The following ATRNL1 variants were observed in gnomAD, a reference collection of about 807,000 sequenced individuals.
ATRNL1 encodes the protein attractin like 1.
Under a neutral mutation model 182.7 loss-of-function variants are expected in ATRNL1, and 95 were observed. The ratio of observed to expected loss-of-function variants is 0.52; its 90% confidence interval spans 0.44 to 0.62. ATRNL1 has a LOEUF of 0.62. Among genes scored for constraint, ATRNL1 ranks in the 20% least tolerant of loss-of-function variants. The pLI is 0.00. For synonymous variants in ATRNL1, 576 were observed against 568.3 expected (o/e 1.01, Z -0.19); for missense variants, 1,471 against 1,679.5 (o/e 0.88, Z 2.17).
intron 28 of ATRNL1, among the ~76,000 whole-genome samples, chr10:115,942,436 C>T (rs80060643): frequency 0.037 from 5,620 of 152,270 alleles, 349 homozygotes; most frequent in African/African-American, 0.13. Flanking sequence ...CCTGCTGGCC[C>T]ATTTGCCACT....
intron 19 of ATRNL1, among the ~76,000 whole-genome samples, chr10:115,371,361 A>G (rs1268403048): frequency 1.3e-5 from 2 of 152,162 alleles, no homozygotes; most frequent in Non-Finnish European, 2.9e-5. Context: ...TGGAAAAGCC[A>G]CAGACACTCA....
In ATRNL1 at chr10:115,512,845, A is replaced by G. The variant is rs1477630061; in HGVS notation, c.3655-6418A>G. Among the ~76,000 whole-genome samples the G allele has an allele frequency of 2.0e-5, 3 of 151,976 alleles. No homozygotes were observed. In the East Asian group the frequency reaches 5.8e-4, roughly 29 times the overall value. ...GTGCAATATTTACGGTGAGACCTACATGATACAGAGCAAGCCATGTGAAGA... is the reference window on the plus strand; with the variant it reads ...GTGCAATATTTACGGTGAGACCTACGTGATACAGAGCAAGCCATGTGAAGA... On this transcript the variant is annotated intron_variant, in intron 24 of 28. Coordinates refer to ENST00000355044, the MANE Select transcript of ATRNL1 (RefSeq NM_207303.4).
At chr10:115,653,730 C>G (rs1474427913) in intron 26 of ATRNL1, among the ~76,000 whole-genome samples, 1 of 152,148 alleles carries the variant, frequency 6.6e-6, no homozygotes, top group Non-Finnish European at 1.5e-5. Flanking sequence ...ATTCATTTCT[C>G]TCCCCAACAC....
intron 19 of ATRNL1, among the ~76,000 whole-genome samples, chr10:115,356,035 T>C (rs1168726782): frequency 1.3e-5 from 2 of 152,166 alleles, no homozygotes; most frequent in East Asian, 3.8e-4. Context: ...TTTACAGACG[T>C]GTTTAATACT....
intron 10 of ATRNL1, among the ~76,000 whole-genome samples, chr10:115,247,354 C>G (rs1347686250): frequency 6.6e-6 from 1 of 151,928 alleles, no homozygotes; most frequent in Non-Finnish European, 1.5e-5. Flanking sequence ...AAATGTTTAA[C>G]AAAAATAGGC....
chr10:115,532,756 G>A (rs1554988765), intron 25 of ATRNL1, among the ~76,000 whole-genome samples: 1 of 151,522 alleles, frequency 6.6e-6, no homozygotes, highest in Non-Finnish European at 1.5e-5. Context: ...GATATTGGCT[G>A]TGGGTTTGTC....
At chr10:115,617,649 C>CA (rs1236282029) in intron 26 of ATRNL1, among the ~76,000 whole-genome samples, 2 of 152,210 alleles carry the variant, frequency 1.3e-5, no homozygotes, top group Non-Finnish European at 2.9e-5. Context: ...TGAGCCACCA[C>CA]ACCCAGCCAA....
At chr10:115,110,762 T>A (rs1229094286) in intron 1 of ATRNL1, among the ~76,000 whole-genome samples, 1 of 152,246 alleles carries the variant, frequency 6.6e-6, no homozygotes, top group African/African-American at 2.4e-5. Context: ...GAAAATTAAA[T>A]TAATTCTTTA....
At chr10:115,262,192 A>G (rs1374219901) in intron 10 of ATRNL1, among the ~76,000 whole-genome samples, 3 of 150,342 alleles carry the variant, frequency 2.0e-5, no homozygotes, top group African/African-American at 7.3e-5. Context: ...TTTTTTTGAT[A>G]AACCTTGTAG....
chr10:115,824,359 T>C (rs1334554442), intron 27 of ATRNL1, among the ~76,000 whole-genome samples: 2 of 152,096 alleles, frequency 1.3e-5, no homozygotes, highest in African/African-American at 2.4e-5. Flanking sequence ...ATTCAGGACA[T>C]AGGCATGGGC....
intron 27 of ATRNL1, among the ~76,000 whole-genome samples, chr10:115,734,176 G>A (rs1472786955): frequency 7.6e-6 from 1 of 132,092 alleles, no homozygotes; most frequent in South Asian, 2.5e-4. Context: ...TATATAACTC[G>A]ATCTTACTTT....
intron 27 of ATRNL1, among the ~76,000 whole-genome samples, chr10:115,832,615 A>G (rs1010412176): frequency 3.9e-5 from 6 of 152,324 alleles, no homozygotes; most frequent in Admixed American, 6.5e-5. Flanking sequence ...AGGCATTGGA[A>G]TTATGATAAG....
chr10:115,579,582 A>C (rs561243095), intron 26 of ATRNL1, among the ~76,000 whole-genome samples: 1 of 151,960 alleles, frequency 6.6e-6, no homozygotes, highest in South Asian at 2.1e-4. Context: ...GTCTTTTTCC[A>C]TCCCTTCACT....
chr10:115,937,635 T>C (rs111923298), intron 28 of ATRNL1, among the ~76,000 whole-genome samples: 1 of 152,232 alleles, frequency 6.6e-6, no homozygotes. Context: ...CATCAAAGTT[T>C]CCCAAAGTCA....
In ATRNL1 at chr10:115,744,566, C is replaced by T. The variant is rs1337603819; in HGVS notation, c.3903+17211C>T. Among the ~76,000 whole-genome samples the T allele has an allele frequency of 4.6e-5, 7 of 152,106 alleles. No individual in the cohort carries two copies. The South Asian group carries it at 6.2e-4, about 14-fold the overall frequency. ...GGATCTCAGAATACTTTTAATTCATCTAAGTAAGTTTAATGTTAGTATAAT... is the reference window on the plus strand; with the variant it reads ...GGATCTCAGAATACTTTTAATTCATTTAAGTAAGTTTAATGTTAGTATAAT... On this transcript the variant is annotated intron_variant, in intron 27 of 28. Transcript: ENST00000355044.
chr10:115,260,655 A>G (rs1323081670), intron 10 of ATRNL1, among the ~76,000 whole-genome samples: 1 of 152,236 alleles, frequency 6.6e-6, no homozygotes, highest in Non-Finnish European at 1.5e-5. Flanking sequence ...AGAGGAGATT[A>G]TAAGTTAAAT....
intron 21 of ATRNL1, among the ~76,000 whole-genome samples, chr10:115,453,042 G>T (rs1225801236): frequency 6.6e-6 from 1 of 152,022 alleles, no homozygotes; most frequent in Non-Finnish European, 1.5e-5. Context: ...TTTTAATGCT[G>T]AACAATATTT....
chr10:115,785,513 G>A (rs1555080217), intron 27 of ATRNL1, among the ~76,000 whole-genome samples: 1 of 152,174 alleles, frequency 6.6e-6, no homozygotes, highest in Non-Finnish European at 1.5e-5. Context: ...GCAATTCATG[G>A]GAGTCTGTGC....
chr10:115,222,155 A>T (rs1460449462), intron 9 of ATRNL1, among the ~76,000 whole-genome samples: 2 of 152,186 alleles, frequency 1.3e-5, no homozygotes, highest in East Asian at 3.9e-4. Context: ...AGAACTGAAA[A>T]ATACATTGAG....
Sources: allele counts gnomAD v4.1 joint callset (sites outside exome capture counted in the v4.1 genomes callset), GRCh38; gene constraint gnomAD v4.1.1; transcripts MANE v1.5; gene names NCBI Gene and HGNC (gene_info 2026-07-23, HGNC 2026-07-21).